Variants in NAALADL2 observed in about 807,000 individuals in gnomAD.
NAALADL2 encodes the protein N-acetylated alpha-linked acidic dipeptidase like 2.
NAALADL2 carries 76 observed loss-of-function variants against 87.2 expected under a neutral mutation model. The ratio of observed to expected loss-of-function variants is 0.87; its 90% CI spans 0.72 to 1.05. The LOEUF (loss-of-function observed/expected upper bound fraction) is 1.05, where lower values mean the gene tolerates loss of function less well. Among genes scored for constraint, NAALADL2 ranks in the 50% least tolerant of loss-of-function variants. The pLI, the probability that NAALADL2 is intolerant of heterozygous loss-of-function variation, is 0.00. For missense variants in NAALADL2, 1,089 were observed against 945.8 expected, an observed-to-expected ratio of 1.15 and a Z score of -1.99; for synonymous variants, 354 against 331.0, an observed-to-expected ratio of 1.07 and a Z score of -0.75.
At chr3:174,622,868 G>A (rs1467907821) in intron 2 of NAALADL2, among the ~76,000 whole-genome samples, 3 of 151,862 alleles carry the variant, frequency 2.0e-5, no homozygotes, top group Non-Finnish European at 2.9e-5. Flanking sequence ...GTGAAACCCC[G>A]CCTCTACTAA....
chr3:174,477,826 A>G (rs1430364405), intron 1 of NAALADL2, among the ~76,000 whole-genome samples: 1 of 152,184 alleles, frequency 6.6e-6, no homozygotes, highest in Non-Finnish European at 1.5e-5. Flanking sequence ...ACATAGGTGA[A>G]TAATTGTCCT....
chr3:175,475,024 TAC>T (rs3040495), intron 9 of NAALADL2, among the ~76,000 whole-genome samples: 13,369 of 149,628 alleles, frequency 0.089, 1,944 homozygotes, highest in African/African-American at 0.31. Context: ...AACATTTAAG[TAC>T]ACACACACAC....
At chr3:175,326,622 T>C (rs147457581) in intron 5 of NAALADL2, among the ~76,000 whole-genome samples, 2 of 152,334 alleles carry the variant, frequency 1.3e-5, no homozygotes, top group East Asian at 3.9e-4. Context: ...GATTTGTTTC[T>C]TACAGTTCAG....
chr3:175,426,176 C>T (rs1020895465), intron 5 of NAALADL2, among the ~76,000 whole-genome samples: 4 of 152,074 alleles, frequency 2.6e-5, no homozygotes, highest in Non-Finnish European at 4.4e-5. Flanking sequence ...CCAGTCTGGC[C>T]AGCGTATTGA....
chr3:175,518,617 G>A (rs188514202), intron 9 of NAALADL2, among the ~76,000 whole-genome samples: 2 of 152,298 alleles, frequency 1.3e-5, no homozygotes, highest in East Asian at 1.9e-4. Flanking sequence ...TCCAAGTCCC[G>A]AGGTGGTACA....
At chr3:175,442,529 C>T (rs1459147943) in intron 5 of NAALADL2, among the ~76,000 whole-genome samples, 6 of 152,124 alleles carry the variant, frequency 3.9e-5, no homozygotes, top group Non-Finnish European at 8.8e-5. Context: ...AGTGAAGACA[C>T]TTTGGTGTCA....
chr3:174,544,141 T>G (rs1330205382), intron 1 of NAALADL2, among the ~76,000 whole-genome samples: 3 of 152,206 alleles, frequency 2.0e-5, no homozygotes, highest in African/African-American at 7.2e-5. Context: ...CATTTCCAAC[T>G]GTTCCAGTTT....
chr3:174,566,205 C>A (rs754300294), intron 2 of NAALADL2, among the ~76,000 whole-genome samples: 6 of 151,830 alleles, frequency 4.0e-5, no homozygotes, highest in African/African-American at 9.7e-5. Context: ...TTTTAATTTT[C>A]ATTTTTCAAT....
chr3:174,894,614 A>C (rs1291949258), intron 1 of NAALADL2, among the ~76,000 whole-genome samples: 2 of 45,024 alleles, frequency 4.4e-5, no homozygotes, highest in African/African-American at 6.6e-5. Flanking sequence ...AAAAAAAAAA[A>C]AAAAAAAAAA....
chr3:175,275,197 C>A (rs1451276386), intron 4 of NAALADL2, among the ~76,000 whole-genome samples: 1 of 151,980 alleles, frequency 6.6e-6, no homozygotes, highest in East Asian at 1.9e-4. Flanking sequence ...AAGGCCCATT[C>A]CAATTTTATT....
At chr3:175,447,455 T>C in intron 6 of NAALADL2, 83 bp downstream of exon 6, 2 of 914,330 alleles carry the variant, frequency 2.2e-6, no homozygotes, top group Non-Finnish European at 3.1e-6. Flanking sequence ...TTGATGTATG[T>C]AGGATTATTC....
intron 1 of NAALADL2, among the ~76,000 whole-genome samples, chr3:174,509,010 G>A (rs531109361): frequency 1.3e-5 from 2 of 151,856 alleles, no homozygotes; most frequent in Admixed American, 6.6e-5. Flanking sequence ...TAGTATCTTC[G>A]TGTGGATTCC....
At chr3:174,518,042 G>A (rs1720040365) in intron 1 of NAALADL2, among the ~76,000 whole-genome samples, 1 of 152,062 alleles carries the variant, frequency 6.6e-6, no homozygotes, top group African/African-American at 2.4e-5. Flanking sequence ...GTAAAAAATT[G>A]CACAGACTCG....
intron 13 of NAALADL2, among the ~76,000 whole-genome samples, chr3:175,763,414 T>G (rs1272288581): frequency 6.6e-6 from 1 of 152,182 alleles, no homozygotes; most frequent in East Asian, 1.9e-4. Flanking sequence ...TGTCAAAAAT[T>G]ACTCCAATGT....
At chr3:174,866,433 T>G (rs574673737) in intron 1 of NAALADL2, among the ~76,000 whole-genome samples, 1 of 151,772 alleles carries the variant, frequency 6.6e-6, no homozygotes, top group Non-Finnish European at 1.5e-5. Context: ...AGGAAAATAA[T>G]AGAAGAATAA....
intron 9 of NAALADL2, among the ~76,000 whole-genome samples, chr3:175,566,905 G>T (rs1359065318): frequency 6.6e-6 from 1 of 151,984 alleles, no homozygotes; most frequent in Non-Finnish European, 1.5e-5. Context: ...TTACGTAGTA[G>T]GACTAATTAA....
At chr3:174,676,438 GTGTCTATTCAA>G (rs956787359) in intron 2 of NAALADL2, among the ~76,000 whole-genome samples, 1 of 151,882 alleles carries the variant, frequency 6.6e-6, no homozygotes, top group Admixed American at 6.6e-5. Context: ...ATAAAATCAA[GTGTCTATTCAA>G]TGTATTCCAA....
At chr3:175,193,695 C>T (rs886841851) in intron 2 of NAALADL2, among the ~76,000 whole-genome samples, 1 of 151,836 alleles carries the variant, frequency 6.6e-6, no homozygotes, top group Non-Finnish European at 1.5e-5. Context: ...AAACAAAAAA[C>T]CTCCACTATT....
At chr3:174,843,052 A>T (rs576030899) in intron 3 of NAALADL2, among the ~76,000 whole-genome samples, 1 of 152,274 alleles carries the variant, frequency 6.6e-6, no homozygotes, top group East Asian at 1.9e-4. Context: ...TGACAATCAA[A>T]TCAGGGTATT....
Sources: allele counts gnomAD v4.1 joint callset (sites outside exome capture counted in the v4.1 genomes callset), GRCh38; gene constraint gnomAD v4.1.1; transcripts MANE v1.5; gene names NCBI Gene and HGNC (gene_info 2026-07-23, HGNC 2026-07-21).